The following CACNA1C variants were observed in gnomAD, a reference collection of about 807,000 sequenced individuals.
CACNA1C encodes the protein calcium voltage-gated channel subunit alpha1 C.
Under a neutral mutation model 229.0 loss-of-function variants are expected in CACNA1C, and 30 were observed. The ratio of observed to expected loss-of-function variants is 0.13; its 90% CI spans 0.10 to 0.18. The LOEUF (loss-of-function observed/expected upper bound fraction) is 0.18. CACNA1C is among the 10% of genes least tolerant of loss of function. CACNA1C has a pLI of 1.00. For missense variants in CACNA1C, 1,658 were observed against 2,845.0 expected, an observed-to-expected ratio of 0.58 and a Z score of 9.49; for synonymous variants, 1,114 against 1,132.5, an observed-to-expected ratio of 0.98 and a Z score of 0.33.
intron 1 of CACNA1C, among the ~76,000 whole-genome samples, chr12:2,002,080 T>G (rs886421270): frequency 1.3e-5 from 2 of 152,228 alleles, no homozygotes; most frequent in African/African-American, 4.8e-5. Flanking sequence ...TCACATAATC[T>G]TTCTTAATCC....
At chr12:2,315,581 G>A (rs1299982102) in intron 3 of CACNA1C, among the ~76,000 whole-genome samples, 1 of 152,204 alleles carries the variant, frequency 6.6e-6, no homozygotes, top group African/African-American at 2.4e-5. Flanking sequence ...GGCAGGTGTT[G>A]TACGCCCCGT....
chr12:2,281,835 T>A lies in CACNA1C; in HGVS notation c.477+161405T>A, dbSNP rs150206620. On this transcript the variant is annotated intron_variant, in intron 3 of 46. Coordinates refer to ENST00000399655, the MANE Select transcript of CACNA1C (RefSeq NM_000719.7). ...TGGGTTTATATTTTTAAAATTAAAA[T>A]TGATAAATTTCTGGCTATTATTTAT... Among the ~76,000 whole-genome samples, 1,366 of 152,286 alleles carry A rather than the reference T, an allele frequency of 9.0e-3. 12 individuals carry two copies. The highest frequency in any genetic ancestry group is 0.031 in the African/African-American group (1,291 of 41,568).
intron 3 of CACNA1C, among the ~76,000 whole-genome samples, chr12:2,123,558 A>T (rs1471125479): frequency 1.3e-5 from 2 of 152,058 alleles, no homozygotes; most frequent in Non-Finnish European, 2.9e-5. Flanking sequence ...AACAAGCCCC[A>T]AATAGAACTC....
At chr12:2,642,327 C>T (rs2093807164) in intron 30 of CACNA1C, among the ~76,000 whole-genome samples, 1 of 152,166 alleles carries the variant, frequency 6.6e-6, no homozygotes. Context: ...TGTTCCCTTC[C>T]CCTCCGTGTA....
intron 28 of CACNA1C, 32 bp from the exon 29 acceptor site, chr12:2,611,871 G>A (rs372535367): frequency 7.9e-6 from 11 of 1,395,860 alleles, no homozygotes; most frequent in African/African-American, 4.3e-5. Flanking sequence ...TCCCTGCCCC[G>A]TGTTCACAGC....
At chr12:2,312,373 T>A (rs984556576) in intron 3 of CACNA1C, among the ~76,000 whole-genome samples, 18 of 152,178 alleles carry the variant, frequency 1.2e-4, no homozygotes, top group Middle Eastern at 3.2e-3. Flanking sequence ...TTGTTGAGAC[T>A]CTAGTTGTTG....
chr12:2,670,390 C>T (rs1047901593), intron 38 of CACNA1C, among the ~76,000 whole-genome samples: 2 of 152,096 alleles, frequency 1.3e-5, no homozygotes, highest in African/African-American at 2.4e-5. Flanking sequence ...TTCAGTTGCT[C>T]CATTGGTAGA....
chr12:2,310,352 AATATAT>A (rs35448122), intron 3 of CACNA1C, among the ~76,000 whole-genome samples: 3 of 139,842 alleles, frequency 2.1e-5, no homozygotes, highest in East Asian at 4.3e-4. Context: ...TAAAAAAAAA[AATATAT>A]ATATATATAT....
chr12:2,123,375 C>CA (rs397761587), intron 3 of CACNA1C, among the ~76,000 whole-genome samples: 45,907 of 72,902 alleles, frequency 0.63, 13,758 homozygotes, highest in Non-Finnish European at 0.67. Context: ...GACTCCATCT[C>CA]AAAAAAAAAA....
rs980535117 is a variant in CACNA1C at position 2,693,181 on chromosome 12, T to C, written c.*1982T>C. On this transcript the variant is annotated 3_prime_UTR_variant, in exon 47 of 47. Transcript: ENST00000399655. Reference sequence around the variant, plus strand: ...TGTGAGAGACCAGGACCTATTTTATTCCAGTCTTCACTCTGTCCACTCTGC... The same window carrying C: ...TGTGAGAGACCAGGACCTATTTTATCCCAGTCTTCACTCTGTCCACTCTGC... The C allele has an allele frequency of 6.6e-6, 1 of 152,202 alleles. No individual in the cohort carries two copies. Among genetic ancestry groups the C allele is most frequent in the African/African-American group, 2.4e-5 (1 of 41,436 alleles). The allele number at this position is 152,202 out of a possible 1,614,324, so 9.4% of individuals were successfully genotyped here.
At chr12:2,295,520 C>G (rs1401334418) in intron 3 of CACNA1C, among the ~76,000 whole-genome samples, 2 of 152,150 alleles carry the variant, frequency 1.3e-5, no homozygotes, top group African/African-American at 4.8e-5. Context: ...AGTCCCAGTA[C>G]CTAGCAGAAT....
intron 7 of CACNA1C, among the ~76,000 whole-genome samples, chr12:2,496,812 G>A (rs549609207): frequency 7.9e-5 from 12 of 152,270 alleles, no homozygotes; most frequent in African/African-American, 2.6e-4. Flanking sequence ...GGTGGATACC[G>A]GGGATTTGGA....
chr12:2,641,827 A>T (rs1322661984), intron 30 of CACNA1C: 5 of 701,236 alleles, frequency 7.1e-6, no homozygotes, highest in South Asian at 3.0e-5. Flanking sequence ...CCATCCCCCC[A>T]CAAAGGCTGT....
rs763458569 is a variant in CACNA1C at position 2,606,996 on chromosome 12, C to T, written c.3222C>T (p.Ile1074=). ...CCTCCTCTCTCAGGGGCAACTACAT[C>T]ACGTACAAAGACGGGGAGGTTGACC... ...QTEAECKGNY[I]TYKDGEVDHP... The change falls in exon 26 of 47, where the codon ATC becomes ATT. Residue 1074 remains isoleucine (I), a synonymous_variant. Coordinates refer to ENST00000399655, the MANE Select transcript of CACNA1C (RefSeq NM_000719.7). 6.2e-7 allele frequency: 1 copy of T among 1,613,984 alleles called. No homozygotes were observed. Among genetic ancestry groups the T allele is most frequent in the South Asian group, 1.1e-5 (1 of 91,080 alleles).
intron 1 of CACNA1C, among the ~76,000 whole-genome samples, chr12:2,110,202 C>T (rs1372813260): frequency 1.3e-5 from 2 of 152,252 alleles, no homozygotes; most frequent in Non-Finnish European, 2.9e-5. Flanking sequence ...CGAGGCTGGC[C>T]AGACCGTGCT....
chr12:2,686,094 C>G (rs2097460766), intron 44 of CACNA1C, 72 bp from the exon 45 acceptor site: 2 of 1,229,982 alleles, frequency 1.6e-6, no homozygotes, highest in Non-Finnish European at 2.4e-6. Context: ...GGCACCCCAC[C>G]AGGGTGTAAA....
At chr12:2,613,617 GC>G (rs1568804885) in intron 29 of CACNA1C, 1 of 152,214 alleles carries the variant, frequency 6.6e-6, no homozygotes. Flanking sequence ...CTCCAGAGAA[GC>G]AAGTACACTC....
chr12:2,420,205 C>T, intron 3 of CACNA1C, among the ~76,000 whole-genome samples: 1 of 149,146 alleles, frequency 6.7e-6, no homozygotes, highest in Non-Finnish European at 1.5e-5. Context: ...GCTACAGAGC[C>T]AACAGGGACA....
intron 1 of CACNA1C, among the ~76,000 whole-genome samples, chr12:2,078,747 A>C (rs1383572406): frequency 6.6e-6 from 1 of 152,206 alleles, no homozygotes; most frequent in Non-Finnish European, 1.5e-5. Flanking sequence ...TAGAACTAGA[A>C]ATACCATTTG....
Sources: gnomAD v4.1 joint callset for allele counts (sites outside exome capture counted in the v4.1 genomes callset) on GRCh38, gnomAD v4.1.1 for gene constraint, MANE v1.5 for transcripts, NCBI Gene and HGNC (gene_info 2026-07-23, HGNC 2026-07-21) for gene names.